Variants in ADAMTS3 observed in about 807,000 individuals in gnomAD.
The protein encoded by ADAMTS3 is A disintegrin and metalloproteinase with thrombospondin motifs 3.
A neutral mutation model predicts 129.0 loss-of-function variants in ADAMTS3; 73 were observed. The observed-to-expected ratio is 0.57, with a 90% CI of 0.47 to 0.69. ADAMTS3 has a LOEUF of 0.69. ADAMTS3 is among the 30% of genes least tolerant of loss of function. The pLI, the probability that ADAMTS3 is intolerant of heterozygous loss-of-function variation, is 0.00. For synonymous variants in ADAMTS3, 477 were observed against 510.8 expected (o/e 0.93, Z 0.89); for missense variants, 1,457 against 1,514.5 (o/e 0.96, Z 0.63).
chr4:72,315,914 A>T lies in ADAMTS3; in HGVS notation c.1543T>A (p.Phe515Ile), dbSNP rs1284240458. The change falls in exon 11 of 22, where the codon TTT becomes ATT. Residue 515 changes from phenylalanine to isoleucine, a missense_variant. By Grantham distance (21) the Phe-to-Ile change is conservative. Transcript: ENST00000286657. ...GGAGGTCCCTTTTTAGTCTTACAAA[A>T]GTAGGGATTATCAGGATGGCTACAC... ...LWCSHPDNPY[F>I]CKTKKGPPLD... 5 of 1,613,746 alleles carry T rather than the reference A, an allele frequency of 3.1e-6. No homozygotes were observed. The highest frequency in any genetic ancestry group is 4.2e-6 in the Non-Finnish European group (5 of 1,179,748).
At chr4:72,324,318 C>T (rs1011991638) in intron 5 of ADAMTS3, among the ~76,000 whole-genome samples, 1 of 152,104 alleles carries the variant, frequency 6.6e-6, no homozygotes, top group African/African-American at 2.4e-5. Flanking sequence ...CAAGAAGTCT[C>T]AATTGAATTG....
intron 4 of ADAMTS3, among the ~76,000 whole-genome samples, chr4:72,371,133 A>T (rs563584889): frequency 6.6e-6 from 1 of 152,104 alleles, no homozygotes; most frequent in Non-Finnish European, 1.5e-5. Flanking sequence ...ATATTTTCTC[A>T]TACTGCCACA....
intron 3 of ADAMTS3, among the ~76,000 whole-genome samples, chr4:72,489,318 C>T (rs1178162627): frequency 2.0e-5 from 3 of 151,930 alleles, no homozygotes; most frequent in Admixed American, 1.3e-4. Context: ...TTCGATCACC[C>T]ATGGTCAATT....
chr4:72,402,503 ACACT>A (rs1464912532), intron 4 of ADAMTS3, among the ~76,000 whole-genome samples: 7 of 152,176 alleles, frequency 4.6e-5, no homozygotes, highest in Admixed American at 2.6e-4. Flanking sequence ...TAAAATATAA[ACACT>A]CAGTTTATCT....
At chr4:72,394,645 G>C (rs772195212) in intron 4 of ADAMTS3, among the ~76,000 whole-genome samples, 1 of 152,126 alleles carries the variant, frequency 6.6e-6, no homozygotes, top group Admixed American at 6.5e-5. Context: ...ATTGAGGGGG[G>C]TGATGTATGT....
chr4:72,480,320 A>C (rs1217418147), intron 3 of ADAMTS3, among the ~76,000 whole-genome samples: 1 of 152,238 alleles, frequency 6.6e-6, no homozygotes, highest in Admixed American at 6.5e-5. Context: ...GATAGACTAG[A>C]TTAAGAAAAC....
chr4:72,311,789 C>A (rs1216631049), intron 13 of ADAMTS3, among the ~76,000 whole-genome samples: 1 of 151,836 alleles, frequency 6.6e-6, no homozygotes, highest in East Asian at 1.9e-4. Context: ...ACATATTTAA[C>A]CAAAAATTCA....
At chr4:72,394,338 C>A (rs1721673110) in intron 4 of ADAMTS3, among the ~76,000 whole-genome samples, 1 of 152,090 alleles carries the variant, frequency 6.6e-6, no homozygotes, top group African/African-American at 2.4e-5. Context: ...GGGAGTTAAT[C>A]TTCTACAAGT....
At chr4:72,568,095 A>G (rs1395794906) in intron 1 of ADAMTS3, 1 of 153,160 alleles carries the variant, frequency 6.5e-6, no homozygotes, top group Non-Finnish European at 1.5e-5. Context: ...TCTGCCCAGG[A>G]AAACGGAGGG....
At position 72,281,425 on chromosome 4, in the gene ADAMTS3, T is replaced by C. The variant is rs905583888; in HGVS notation, c.*1711A>G. 6.6e-6 allele frequency: 1 copy of C among 152,570 alleles called. No homozygotes were observed. Among genetic ancestry groups the C allele is most frequent in the Non-Finnish European group, 1.5e-5 (1 of 68,026 alleles). The allele number at this position is 152,570 out of a possible 1,614,324, so 9.5% of individuals were successfully genotyped here. On this transcript the variant is annotated 3_prime_UTR_variant, in exon 22 of 22. Coordinates refer to ENST00000286657, the MANE Select transcript of ADAMTS3 (RefSeq NM_014243.3). ...CTACATTTTAGTTTGTATAATATAT[T>C]TTTAGACAGCTCAGGTACTGACCTC... is the stretch of plus-strand genomic sequence containing the variant.
intron 4 of ADAMTS3, among the ~76,000 whole-genome samples, chr4:72,361,022 C>T (rs1027675816): frequency 6.6e-6 from 1 of 151,994 alleles, no homozygotes; most frequent in Non-Finnish European, 1.5e-5. Flanking sequence ...TCGGGGTTAT[C>T]GGAATGAGCA....
chr4:72,460,611 AC>A (rs561649788), intron 3 of ADAMTS3, among the ~76,000 whole-genome samples: 486 of 151,504 alleles, frequency 3.2e-3, no homozygotes, highest in Non-Finnish European at 5.2e-3. Context: ...TATCAAAAAA[AC>A]CATGCCTAAA....
At chr4:72,387,524 T>C (rs1417635924) in intron 4 of ADAMTS3, among the ~76,000 whole-genome samples, 1 of 152,168 alleles carries the variant, frequency 6.6e-6, no homozygotes, top group Non-Finnish European at 1.5e-5. Context: ...TTGAATTTCC[T>C]AATTAAAAGG....
chr4:72,465,132 G>A (rs895495869), intron 3 of ADAMTS3, among the ~76,000 whole-genome samples: 1 of 151,946 alleles, frequency 6.6e-6, no homozygotes, highest in Non-Finnish European at 1.5e-5. Context: ...AAATTAGCCT[G>A]GGTCCTGGGA....
At chr4:72,398,519 G>A (rs529101978) in intron 4 of ADAMTS3, among the ~76,000 whole-genome samples, 2 of 152,314 alleles carry the variant, frequency 1.3e-5, no homozygotes, top group South Asian at 4.1e-4. Context: ...AGGTTGCAGT[G>A]AGCTGAGATC....
chr4:72,544,941 T>C (rs1721428083), intron 3 of ADAMTS3, among the ~76,000 whole-genome samples: 1 of 152,012 alleles, frequency 6.6e-6, no homozygotes, highest in South Asian at 2.1e-4. Flanking sequence ...GAAGAGATAC[T>C]TGGGAAAAAC....
intron 2 of ADAMTS3, among the ~76,000 whole-genome samples, chr4:72,566,970 A>T (rs1417329677): frequency 1.3e-5 from 2 of 152,234 alleles, no homozygotes; most frequent in Non-Finnish European, 2.9e-5. Flanking sequence ...CATGCTCTGT[A>T]CTTCATTGTT....
intron 3 of ADAMTS3, among the ~76,000 whole-genome samples, chr4:72,417,983 A>C (rs1204845479): frequency 6.6e-6 from 1 of 151,152 alleles, no homozygotes; most frequent in African/African-American, 2.4e-5. Flanking sequence ...AAATATACTA[A>C]TAAATGAGAA....
intron 2 of ADAMTS3, among the ~76,000 whole-genome samples, chr4:72,558,789 C>T (rs1406619219): frequency 2.0e-5 from 3 of 151,690 alleles, no homozygotes; most frequent in Non-Finnish European, 4.4e-5. Context: ...AGTCACACTC[C>T]TTACAAATCA....
Sources: gnomAD v4.1 joint callset for allele counts (sites outside exome capture counted in the v4.1 genomes callset) on GRCh38, gnomAD v4.1.1 for gene constraint, MANE v1.5 for transcripts, NCBI Gene and HGNC (gene_info 2026-07-23, HGNC 2026-07-21) for gene names.